Variants in GARIN2 observed in about 807,000 individuals in gnomAD.
GARIN2 encodes the protein golgi associated RAB2 interactor family member 2.
the GARIN2 span, chr14:67,199,637 C>T: frequency 3.0e-5 from 48 of 1,576,492 alleles, no homozygotes; most frequent in Admixed American, 2.3e-4. Context: ...AGCAGCTGGA[C>T]GACTTCTGGC....
chr14:67,199,313 C>A, the GARIN2 span: 2 of 1,608,892 alleles, frequency 1.2e-6, no homozygotes, highest in South Asian at 2.2e-5. Flanking sequence ...GAAGCCAATA[C>A]GGGTGAACAA....
chr14:67,195,239 C>A, the GARIN2 span, among the ~76,000 whole-genome samples: 2 of 152,184 alleles, frequency 1.3e-5, no homozygotes, highest in South Asian at 4.1e-4. Context: ...CAACTTTGTT[C>A]AAAAAGGAAG....
the GARIN2 span, chr14:67,208,217 A>G: frequency 6.2e-7 from 1 of 1,612,870 alleles, no homozygotes; most frequent in Non-Finnish European, 8.5e-7. Flanking sequence ...ATTGAAAAAC[A>G]TTCTGAAGCC....
At chr14:67,202,970 G>A in the GARIN2 span, 2 of 1,057,708 alleles carry the variant, frequency 1.9e-6, no homozygotes, top group Admixed American at 2.8e-5. Context: ...GCAAGTGAAG[G>A]AACAAATATA....
the GARIN2 span, among the ~76,000 whole-genome samples, chr14:67,197,632 G>T: frequency 6.6e-6 from 1 of 152,172 alleles, no homozygotes; most frequent in Non-Finnish European, 1.5e-5. Flanking sequence ...CTAAGCCTCA[G>T]TTATGGGTGA....
the GARIN2 span, chr14:67,199,944 A>T: frequency 7.2e-7 from 1 of 1,390,786 alleles, no homozygotes; most frequent in Non-Finnish European, 9.7e-7. Flanking sequence ...AAGCTCACCC[A>T]TTCCCACCAG....
the GARIN2 span, chr14:67,225,110 C>A: frequency 6.4e-7 from 1 of 1,555,470 alleles, no homozygotes; most frequent in Non-Finnish European, 8.7e-7. Flanking sequence ...TTTCTTTTTT[C>A]CCTCTAGTTC....
At chr14:67,207,698 G>A in the GARIN2 span, among the ~76,000 whole-genome samples, 1 of 152,112 alleles carries the variant, frequency 6.6e-6, no homozygotes, top group Admixed American at 6.6e-5. Context: ...GGAGAGGTGA[G>A]ACATTAACAG....
the GARIN2 span, among the ~76,000 whole-genome samples, chr14:67,213,321 C>T: frequency 1.0e-3 from 119 of 115,076 alleles, no homozygotes; most frequent in African/African-American, 3.7e-3. Context: ...CCCCTCCCCC[C>T]ACCCCACAAC....
the GARIN2 span, chr14:67,208,335 C>A: frequency 6.2e-7 from 1 of 1,613,928 alleles, no homozygotes; most frequent in Middle Eastern, 1.6e-4. Context: ...TATTTTCAAA[C>A]TACCTTGACC....
chr14:67,192,370 G>C, the GARIN2 span, among the ~76,000 whole-genome samples: 2 of 151,952 alleles, frequency 1.3e-5, no homozygotes, highest in Admixed American at 1.3e-4. Flanking sequence ...AGTTTTGTTT[G>C]TTTCTTTCTT....
At chr14:67,195,352 C>T in the GARIN2 span, among the ~76,000 whole-genome samples, 1 of 152,078 alleles carries the variant, frequency 6.6e-6, no homozygotes, top group Admixed American at 6.6e-5. Flanking sequence ...ACACCTTTTC[C>T]CCTGGGAGAT....
chr14:67,199,666 C>A, the GARIN2 span: 1 of 1,580,764 alleles, frequency 6.3e-7, no homozygotes, highest in Non-Finnish European at 8.7e-7. Context: ...ACCCGCTCTC[C>A]CAGCCTGACC....
chr14:67,200,522 A>C, the GARIN2 span: 1 of 284,278 alleles, frequency 3.5e-6, no homozygotes, highest in African/African-American at 2.3e-5. Context: ...TTGCAAATGC[A>C]CAGAGAAAAT....
the GARIN2 span, among the ~76,000 whole-genome samples, chr14:67,192,318 C>G: frequency 6.6e-6 from 1 of 151,956 alleles, no homozygotes; most frequent in Non-Finnish European, 1.5e-5. Context: ...CCATGATAGC[C>G]CATAACAACC....
At chr14:67,221,876 G>A in the GARIN2 span, 287 of 1,582,992 alleles carry the variant, frequency 1.8e-4, no homozygotes, top group Admixed American at 1.1e-4. Flanking sequence ...CTGGTTCCTA[G>A]AAGAGTAGTG....
chr14:67,199,617 G>A, the GARIN2 span: 16 of 1,586,332 alleles, frequency 1.0e-5, no homozygotes, highest in African/African-American at 2.7e-5. Flanking sequence ...AAGGGTGAGC[G>A]CCATGGCTTA....
the GARIN2 span, chr14:67,196,932 T>C: frequency 6.6e-6 from 1 of 151,710 alleles, no homozygotes; most frequent in Non-Finnish European, 1.5e-5. Context: ...AAATTAGTGC[T>C]TTTTTTTTCT....
the GARIN2 span, chr14:67,204,942 A>G: frequency 6.2e-7 from 1 of 1,612,116 alleles, no homozygotes. Context: ...ATGAGGTCCC[A>G]GAGGTCCCGG....
Sources: allele counts gnomAD v4.1 joint callset (sites outside exome capture counted in the v4.1 genomes callset), GRCh38; gene constraint gnomAD v4.1.1; transcripts MANE v1.5; gene names NCBI Gene and HGNC (gene_info 2026-07-23, HGNC 2026-07-21).